Variants in COPA observed in about 807,000 individuals in gnomAD.
The protein encoded by COPA is coat protein complex I subunit alpha.
Under a neutral mutation model 158.7 loss-of-function variants are expected in COPA, and 10 were observed. The ratio of observed to expected loss-of-function variants is 0.06; its 90% confidence interval spans 0.04 to 0.11. The LOEUF (loss-of-function observed/expected upper bound fraction) is 0.11. Ranked by LOEUF, COPA falls within the 10% of genes least tolerant of loss-of-function variation. The probability of loss-of-function intolerance (pLI) is 1.00; values close to 1 mark genes in which losing one functional copy is unlikely to be tolerated. For synonymous variants in COPA, 462 were observed against 542.8 expected, an observed-to-expected ratio of 0.85 and a Z score of 2.07; for missense variants, 1,065 against 1,536.7, an observed-to-expected ratio of 0.69 and a Z score of 5.13.
intron 6 of COPA, among the ~76,000 whole-genome samples, chr1:160,331,910 T>G (rs1471802962): frequency 6.6e-6 from 1 of 150,720 alleles, no homozygotes; most frequent in African/African-American, 2.4e-5. Flanking sequence ...ATCACACCAC[T>G]GCGCTCCAGC....
intron 8 of COPA, among the ~76,000 whole-genome samples, chr1:160,321,276 G>A (rs75674679): frequency 0.012 from 1,813 of 152,154 alleles, 43 homozygotes; most frequent in African/African-American, 0.041. Context: ...TTTTCTCTAC[G>A]GACCAGAAGG....
intron 32 of COPA, 62 bp downstream of exon 32, chr1:160,290,427 CCAT>C: frequency 6.5e-7 from 1 of 1,543,182 alleles, no homozygotes; most frequent in South Asian, 1.2e-5. Context: ...AAAAGGACCA[CCAT>C]GTTTCTTTCT....
Position 160,290,574 on chromosome 1 carries a change from C to G in COPA, c.3533G>C (p.Arg1178Pro). The change falls in exon 32 of 33, where the codon CGT becomes CCT. Residue 1178 changes from arginine to proline, a missense_variant. Arg to Pro is a moderately radical substitution (Grantham distance 103, BLOSUM62 -2). Around this residue, in one of 2 missense-constraint regions of COPA, gnomAD observed 980 missense variants for 1,357.8 expected, o/e 0.72. Transcript: ENST00000241704. ...ICAASYRPIY[R>P]GKPVEKCPLS... ...TGGACACTTTTCTACTGGCTTTCCA[C>G]GGTAGATGGGCCGATATGATGCAGC... The G allele has an allele frequency of 6.2e-7, 1 of 1,614,160 alleles. No individual in the cohort carries two copies. The highest frequency in any genetic ancestry group is 8.5e-7 in the Non-Finnish European group (1 of 1,180,036).
At chr1:160,292,911 C>T (rs1216645356) in intron 27 of COPA, among the ~76,000 whole-genome samples, 2 of 152,150 alleles carry the variant, frequency 1.3e-5, no homozygotes, top group Non-Finnish European at 2.9e-5. Context: ...GGGTACTTAT[C>T]TCACTGATAT....
intron 21 of COPA, 125 bp downstream of exon 21, chr1:160,297,218 G>T: frequency 1.2e-6 from 1 of 827,738 alleles, no homozygotes; most frequent in Non-Finnish European, 2.0e-6. Context: ...GTAGGAGCAT[G>T]TTGTCTCTCC....
intron 13 of COPA, among the ~76,000 whole-genome samples, chr1:160,307,561 G>GT (rs1658830660): frequency 6.6e-6 from 1 of 152,210 alleles, no homozygotes; most frequent in Admixed American, 6.5e-5. Context: ...TAACGAGCAG[G>GT]GCCTCCCTGG....
chr1:160,311,977 G>A lies in COPA; in HGVS notation c.967C>T (p.Arg323Trp), dbSNP rs1481608457. The A allele has an allele frequency of 3.1e-6, 5 of 1,613,922 alleles. No homozygotes were observed. Among genetic ancestry groups the A allele is most frequent in the Non-Finnish European group, 4.2e-6 (5 of 1,179,898 alleles). ...TTGCCATGAACAGCATAGGCTGGCC[G>A]TTCCCGTTCCAGCTTAAACACAATC... ...GMIVFKLERE[R>W]PAYAVHGNML... Residue 323 changes from arginine to tryptophan, a missense_variant, in exon 11 of 33, where the codon CGG becomes TGG. By Grantham distance (101) the Arg-to-Trp change is moderately radical (BLOSUM62 -3). Around this residue, in one of 2 missense-constraint regions of COPA, gnomAD observed 980 missense variants for 1,357.8 expected, o/e 0.72. Coordinates refer to ENST00000241704, the MANE Select transcript of COPA (RefSeq NM_004371.4).
intron 8 of COPA, among the ~76,000 whole-genome samples, chr1:160,320,778 C>G (rs1659306944): frequency 7.5e-6 from 1 of 132,476 alleles, no homozygotes; most frequent in Non-Finnish European, 1.6e-5. Flanking sequence ...TAATGCCAAT[C>G]CTATTCAAAC....
intron 13 of COPA, 69 bp from the exon 14 acceptor site, chr1:160,307,314 A>G (rs1658821674): frequency 6.9e-7 from 1 of 1,455,444 alleles, no homozygotes; most frequent in Non-Finnish European, 9.6e-7. Flanking sequence ...GTCGGGTGCC[A>G]TGGAGCTGCC....
chr1:160,296,015 A>G, intron 22 of COPA, 46 bp downstream of exon 22: 1 of 1,595,186 alleles, frequency 6.3e-7, no homozygotes, highest in Non-Finnish European at 8.6e-7. Flanking sequence ...CTAAGATCCT[A>G]GAGTTAATCC....
At chr1:160,333,765 C>A in intron 4 of COPA, 86 bp from the exon 5 acceptor site, 1 of 1,033,752 alleles carries the variant, frequency 9.7e-7, no homozygotes, top group South Asian at 1.5e-5. Context: ...TAAAGAACTG[C>A]ATTGCTTAAC....
At chr1:160,313,204 C>A (rs767596154) in intron 9 of COPA, 37 bp from the exon 10 acceptor site, 1 of 1,580,148 alleles carries the variant, frequency 6.3e-7, no homozygotes, top group Non-Finnish European at 8.7e-7. Context: ...CATTAATTTC[C>A]TAGGAATCTT....
At chr1:160,338,907 TGAC>T (rs1647905951) in intron 3 of COPA, among the ~76,000 whole-genome samples, 1 of 152,222 alleles carries the variant, frequency 6.6e-6, no homozygotes, top group African/African-American at 2.4e-5. Flanking sequence ...CCTCCCTTCA[TGAC>T]GACAAATCAC....
In COPA at chr1:160,316,703, T is replaced by A. The variant is rs148579039; in HGVS notation, c.707-2578A>T. ...AGGCGGAGGTCATGGTGAGCTGAGATCGCACCATTGCACTCCAGCCTGGCC... is the reference window on the plus strand; with the variant it reads ...AGGCGGAGGTCATGGTGAGCTGAGAACGCACCATTGCACTCCAGCCTGGCC... On this transcript the variant is annotated intron_variant, in intron 8 of 32. Transcript: ENST00000241704. 1.9e-4 allele frequency among the ~76,000 whole-genome samples: 28 copies of A among 149,162 alleles called. No individual in the cohort carries two copies. The East Asian group carries it at 5.1e-3, about 27-fold the overall frequency.
At chr1:160,337,854 T>C (rs1647849474) in intron 3 of COPA, among the ~76,000 whole-genome samples, 1 of 152,242 alleles carries the variant, frequency 6.6e-6, no homozygotes. Context: ...ACAGTTCAAA[T>C]ACCATACAAT....
chr1:160,330,799 T>C (rs1163377364), intron 6 of COPA, among the ~76,000 whole-genome samples: 2 of 152,160 alleles, frequency 1.3e-5, no homozygotes, highest in Non-Finnish European at 2.9e-5. Flanking sequence ...CTTCCTTTCA[T>C]AGAATGAAAC....
Position 160,291,455 on chromosome 1 carries a change from G to A in COPA, c.3300C>T (p.His1100=). The A allele has an allele frequency of 6.2e-7, 1 of 1,614,178 alleles. No homozygotes were observed. The highest frequency in any genetic ancestry group is 1.1e-5 in the South Asian group (1 of 91,082). ...YFTHSNLQPV[H]MILVLRTALN... Reference sequence around the variant, plus strand: ...GGGCTGTACGCAGCACCAGGATCATGTGCACAGGCTGCAGGTTTGAGTGGG... The same window carrying A: ...GGGCTGTACGCAGCACCAGGATCATATGCACAGGCTGCAGGTTTGAGTGGG... Residue 1100 remains histidine, a synonymous_variant, in exon 31 of 33, where the codon CAC becomes CAT. Transcript: ENST00000241704.
chr1:160,311,343 C>T (rs1431091657), intron 11 of COPA, among the ~76,000 whole-genome samples: 2 of 151,846 alleles, frequency 1.3e-5, no homozygotes, highest in Non-Finnish European at 2.9e-5. Flanking sequence ...GAGACTGAGG[C>T]AGGAGAATTG....
In COPA at chr1:160,290,113, TG is replaced by T; in HGVS notation, c.*43del. ...AGAAGGAGGATATAGACACATTCTC[TG>T]GGGGGAACATATGGTGACTGACCCA... On this transcript the variant is annotated 3_prime_UTR_variant, in exon 33 of 33. Transcript: ENST00000241704. 2 of 1,589,998 alleles carry T rather than the reference TG, an allele frequency of 1.3e-6. No homozygotes were observed. Among genetic ancestry groups the T allele is most frequent in the Non-Finnish European group, 1.7e-6 (2 of 1,158,644 alleles).
Sources: gnomAD v4.1 joint callset for allele counts (sites outside exome capture counted in the v4.1 genomes callset) on GRCh38, gnomAD v4.1.1 for gene constraint, gnomAD v4.1.1 regional missense constraint, MANE v1.5 for transcripts, NCBI Gene and HGNC (gene_info 2026-07-23, HGNC 2026-07-21) for gene names.